Variants in EPHA6 observed in about 807,000 individuals in gnomAD.
EPHA6 encodes EPH receptor A6.
A neutral mutation model predicts 112.0 loss-of-function variants in EPHA6; 50 were observed. That is an observed-to-expected ratio of 0.45 (90% confidence interval 0.36 to 0.56). The LOEUF (loss-of-function observed/expected upper bound fraction) is 0.56, where lower values mean the gene tolerates loss of function less well. Among genes scored for constraint, EPHA6 ranks in the 20% least tolerant of loss-of-function variants. The pLI is 0.00. For missense variants in EPHA6, 1,280 were observed against 1,417.4 expected (o/e 0.90, Z 1.56); for synonymous variants, 529 against 490.7 (o/e 1.08, Z -1.03).
intron 2 of EPHA6, among the ~76,000 whole-genome samples, chr3:96,981,022 C>T (rs1223677154): frequency 1.3e-5 from 2 of 152,144 alleles, no homozygotes; most frequent in Non-Finnish European, 2.9e-5. Flanking sequence ...TTCCTCTTTT[C>T]CTAATTGAAT....
intron 3 of EPHA6, among the ~76,000 whole-genome samples, chr3:97,174,332 C>T (rs1559774117): frequency 6.6e-6 from 1 of 151,858 alleles, no homozygotes; most frequent in Non-Finnish European, 1.5e-5. Context: ...CAAATCTTAA[C>T]TATGGTGAGC....
chr3:97,596,777 C>CATATATAT lies in EPHA6; in HGVS notation c.2512+4065_2512+4072dup, dbSNP rs57541953. ...TTTTACTAATGAAGTAACTCATATA[C>CATATATAT]ATATATATATATATATATATATATA... On this transcript the variant is annotated intron_variant, in intron 12 of 17. Coordinates refer to ENST00000389672, the MANE Select transcript of EPHA6 (RefSeq NM_001080448.3). Among the ~76,000 whole-genome samples, 648 of 106,122 alleles carry CATATATAT rather than the reference C, an allele frequency of 6.1e-3. 5 individuals are homozygous for CATATATAT. Among genetic ancestry groups the CATATATAT allele is most frequent in the Middle Eastern group, 7.6e-3 (1 of 132 alleles). The allele number at this position is 106,122 out of a possible 152,430, so 69.6% of individuals were successfully genotyped here. A position where few individuals can be genotyped will look rare whatever the true frequency, so the allele number is the denominator to read the frequency against.
chr3:96,814,784 TGGAGGAGGAAGAGGA>T lies in EPHA6; in HGVS notation c.174_188del (p.Glu59_Glu63del), dbSNP rs1188557473. On this transcript the variant is annotated inframe_deletion, in exon 1 of 18. Transcript: ENST00000389672. Reference sequence around the variant, plus strand: ...CCCGGGACACCCCCTGCGGGCCGGGTGGAGGAGGAAGAGGAGGAGGAGGAAGAAGACGTGGACAAG... The same window carrying T: ...CCCGGGACACCCCCTGCGGGCCGGGTGGAGGAGGAAGAAGACGTGGACAAG... 6.3e-6 allele frequency: 10 copies of T among 1,596,186 alleles called. No homozygotes were observed. Among genetic ancestry groups the T allele is most frequent in the African/African-American group, 4.1e-5 (3 of 73,684 alleles).
At chr3:96,877,110 A>G (rs1576211714) in intron 2 of EPHA6, among the ~76,000 whole-genome samples, 1 of 152,116 alleles carries the variant, frequency 6.6e-6, no homozygotes, top group East Asian at 1.9e-4. Context: ...TAAATAAGAT[A>G]TTGTTTAAAG....
chr3:97,341,836 C>A (rs2083321561), intron 5 of EPHA6, among the ~76,000 whole-genome samples: 1 of 152,182 alleles, frequency 6.6e-6, no homozygotes, highest in South Asian at 2.1e-4. Context: ...TATATTACCC[C>A]AGCAAAATCA....
At chr3:97,439,584 T>C in intron 6 of EPHA6, 1 of 1,002,208 alleles carries the variant, frequency 1.0e-6, no homozygotes, top group South Asian at 4.7e-5. Flanking sequence ...TACTATTTAA[T>C]GTTGTCACAA....
chr3:97,710,625 A>G (rs1032853846), intron 14 of EPHA6, among the ~76,000 whole-genome samples: 39 of 152,232 alleles, frequency 2.6e-4, no homozygotes, highest in African/African-American at 7.0e-4. Context: ...TTAGACCTTC[A>G]TATGAACTAC....
intron 11 of EPHA6, among the ~76,000 whole-genome samples, chr3:97,547,072 G>A (rs2092961214): frequency 6.6e-6 from 1 of 152,178 alleles, no homozygotes; most frequent in Non-Finnish European, 1.5e-5. Context: ...GCTCATCAAA[G>A]TCATTCTCCG....
chr3:97,395,035 G>A (rs771085184), intron 5 of EPHA6, among the ~76,000 whole-genome samples: 4 of 151,262 alleles, frequency 2.6e-5, no homozygotes, highest in African/African-American at 4.8e-5. Flanking sequence ...ACAGATTCTG[G>A]GAATTAAGAT....
At chr3:97,590,267 C>A (rs369827381) in intron 11 of EPHA6, 12 of 152,204 alleles carry the variant, frequency 7.9e-5, no homozygotes, top group African/African-American at 2.9e-4. Context: ...AGATGAAAGA[C>A]CTTTTTACCC....
rs990333035 is a variant in EPHA6 at position 97,456,716 on chromosome 3, G to A, written c.1894+7986G>A. Among the ~76,000 whole-genome samples, 9 of 152,118 alleles carry A rather than the reference G, an allele frequency of 5.9e-5. No homozygotes were observed. In the East Asian group the frequency reaches 1.7e-3, roughly 29 times the overall value. ...AAGCTTATCACTAACCCACACTAGA[G>A]ATAAGAGAGTTCCTGATTTATGTCA... On this transcript the variant is annotated intron_variant, in intron 7 of 17. Coordinates refer to ENST00000389672, the MANE Select transcript of EPHA6 (RefSeq NM_001080448.3).
At chr3:97,625,091 G>A (rs1200574481) in intron 13 of EPHA6, among the ~76,000 whole-genome samples, 2 of 150,830 alleles carry the variant, frequency 1.3e-5, no homozygotes, top group Non-Finnish European at 1.5e-5. Context: ...GTTACCCTTG[G>A]TTTTAGTTTG....
intron 6 of EPHA6, among the ~76,000 whole-genome samples, chr3:97,418,250 A>C (rs1577321264): frequency 6.6e-6 from 1 of 151,922 alleles, no homozygotes; most frequent in Admixed American, 6.6e-5. Flanking sequence ...ACTAATGAAA[A>C]GACATTTAAA....
intron 15 of EPHA6, among the ~76,000 whole-genome samples, chr3:97,726,334 A>T (rs1458975110): frequency 6.6e-6 from 1 of 152,136 alleles, no homozygotes; most frequent in African/African-American, 2.4e-5. Context: ...ACAAAATGAG[A>T]TCAAAGCACA....
intron 14 of EPHA6, among the ~76,000 whole-genome samples, chr3:97,695,456 C>G (rs555734079): frequency 6.6e-6 from 1 of 152,350 alleles, no homozygotes; most frequent in East Asian, 1.9e-4. Flanking sequence ...TTTAGTTCTA[C>G]TTAATTATCT....
At chr3:97,561,560 G>C (rs1028092418) in intron 11 of EPHA6, among the ~76,000 whole-genome samples, 3 of 151,954 alleles carry the variant, frequency 2.0e-5, no homozygotes, top group African/African-American at 4.8e-5. Flanking sequence ...AAAGCTACCA[G>C]AGATTGCTTT....
intron 2 of EPHA6, among the ~76,000 whole-genome samples, chr3:96,872,545 G>C (rs1367238866): frequency 2.6e-5 from 4 of 152,002 alleles, no homozygotes; most frequent in Admixed American, 2.6e-4. Context: ...TCTGAATTTT[G>C]TTTGAGAAAG....
At chr3:97,638,148 A>C (rs554749957) in intron 14 of EPHA6, 66 bp downstream of exon 14, 6 of 1,183,034 alleles carry the variant, frequency 5.1e-6, no homozygotes, top group Non-Finnish European at 7.1e-6. Context: ...TCATTAGAGT[A>C]ATTCTGTTTC....
intron 2 of EPHA6, among the ~76,000 whole-genome samples, chr3:96,919,091 C>G (rs771872047): frequency 6.6e-6 from 1 of 151,824 alleles, no homozygotes; most frequent in Non-Finnish European, 1.5e-5. Flanking sequence ...CTTATTGACT[C>G]TACTGTATTA....
Sources: allele counts gnomAD v4.1 joint callset (sites outside exome capture counted in the v4.1 genomes callset), GRCh38; gene constraint gnomAD v4.1.1; transcripts MANE v1.5; gene names NCBI Gene and HGNC (gene_info 2026-07-23, HGNC 2026-07-21).